RSPH3: variants seen among roughly 807,000 people sequenced by gnomAD.
The protein encoded by RSPH3 is radial spoke head 3.
A neutral mutation model predicts 43.8 loss-of-function variants in RSPH3; 21 were observed. That is an observed-to-expected ratio of 0.48 (90% CI 0.34 to 0.69). The LOEUF is 0.69. RSPH3 is among the 30% of genes least tolerant of loss of function. The pLI is 0.01. For synonymous variants in RSPH3, 173 were observed against 179.8 expected, an observed-to-expected ratio of 0.96 and a Z score of 0.30; for missense variants, 487 against 516.0, an observed-to-expected ratio of 0.94 and a Z score of 0.54.
chr6:158,993,274 C>A (rs945248995), intron 2 of RSPH3, among the ~76,000 whole-genome samples: 1 of 152,034 alleles, frequency 6.6e-6, no homozygotes, highest in Non-Finnish European at 1.5e-5. Flanking sequence ...AGCGCCACCA[C>A]ACCCAGCTAA....
At position 158,977,329 on chromosome 6, in the gene RSPH3, C is replaced by G; in HGVS notation, c.*209G>C. 1.9e-6 allele frequency: 1 copy of G among 517,482 alleles called. No individual in the cohort carries two copies. Among genetic ancestry groups the G allele is most frequent in the Non-Finnish European group, 3.4e-6 (1 of 296,966 alleles). The allele number at this position is 517,482 out of a possible 1,614,324, so 32.1% of individuals were successfully genotyped here. ...AATTCTCATTAGAATTACAATATAG[C>G]CTTTGAATATTCTATTAAATAAATG... On this transcript the variant is annotated 3_prime_UTR_variant, in exon 8 of 8. Coordinates refer to ENST00000367069, the MANE Select transcript of RSPH3 (RefSeq NM_031924.8).
At chr6:158,986,481 C>G (rs1259745466) in intron 2 of RSPH3, 60 bp from the exon 3 acceptor site, 1 of 1,430,286 alleles carries the variant, frequency 7.0e-7, no homozygotes, top group African/African-American at 1.4e-5. Context: ...CATACAGGAA[C>G]TGCCATTCCA....
At chr6:158,969,871 C>T (rs1777674917), downstream of RSPH3, among the ~76,000 whole-genome samples, 1 of 152,176 alleles carries the variant, frequency 6.6e-6, no homozygotes, top group South Asian at 2.1e-4. Flanking sequence ...TGTTTTTTCT[C>T]TCTTAACTGA....
chr6:158,999,315 G>T, intron 1 of RSPH3, 120 bp downstream of exon 1: 1 of 882,674 alleles, frequency 1.1e-6, no homozygotes, highest in Non-Finnish European at 1.6e-6. Context: ...TTTTATTTCG[G>T]CAGAGTGCAG....
chr6:158,999,260 C>T (rs1396406259), intron 1 of RSPH3, among the ~76,000 whole-genome samples, 175 bp downstream of exon 1: 8 of 146,894 alleles, frequency 5.4e-5, no homozygotes, highest in Non-Finnish European at 3.1e-5. Flanking sequence ...CATGCCCCTT[C>T]CTGCTTCACT....
intron 6 of RSPH3, among the ~76,000 whole-genome samples, chr6:158,979,860 A>G (rs908448842): frequency 5.3e-5 from 8 of 152,170 alleles, no homozygotes; most frequent in Non-Finnish European, 1.2e-4. Context: ...CTGGCTGAGC[A>G]GCTAGGAACG....
intron 2 of RSPH3, among the ~76,000 whole-genome samples, chr6:158,987,446 G>A (rs912669789): frequency 2.0e-5 from 3 of 152,110 alleles, no homozygotes; most frequent in Non-Finnish European, 2.9e-5. Flanking sequence ...TTGGAGAACC[G>A]AGTCCTCTTA....
chr6:158,995,346 G>A (rs1166666935), intron 1 of RSPH3, among the ~76,000 whole-genome samples: 7 of 152,088 alleles, frequency 4.6e-5, no homozygotes, highest in Admixed American at 3.9e-4. Flanking sequence ...CTACATAGTT[G>A]GCTTAAAATA....
rs571444929 is a variant in RSPH3, at chr6:159,000,183, T to TA, written c.-634dup. 3 of 551,986 alleles carry TA rather than the reference T, an allele frequency of 5.4e-6. No homozygotes were observed. Among genetic ancestry groups the TA allele is most frequent in the Non-Finnish European group, 9.3e-6 (3 of 322,364 alleles). 34.2% of individuals were successfully genotyped at this position (551,986 alleles called of 1,614,324 possible). On this transcript the variant is annotated 5_prime_UTR_variant, in exon 1 of 8. Coordinates refer to ENST00000367069, the MANE Select transcript of RSPH3 (RefSeq NM_031924.8). ...CTGGCAGCCAGGCTCCCAGCTCTGT[T>TA]ACGTGCCCGGGCGGGGAAGAGCTTC...
Position 158,977,713 on chromosome 6 carries a change from A to C in RSPH3, c.1082T>G (p.Leu361Arg), listed in dbSNP as rs138781661. 4.2e-5 allele frequency: 68 copies of C among 1,614,160 alleles called. No homozygotes were observed. In the African/African-American group the frequency reaches 8.0e-4, roughly 19 times the overall value. The change falls in exon 8 of 8, where the codon CTG becomes CGG. Residue 361 changes from leucine to arginine, a missense_variant. Leu to Arg is a moderately radical substitution (Grantham distance 102). Coordinates refer to ENST00000367069, the MANE Select transcript of RSPH3 (RefSeq NM_031924.8). ...CCGTGTCTGTGACATGCTCTGCTCC[A>C]GGAATTCAGAGGCCTCCAGTGACTC... ...MTESLEASEFLEQSMSQTREL... is the reference protein window; with the variant it reads ...MTESLEASEFREQSMSQTREL...
intron 1 of RSPH3, 43 bp downstream of exon 1, chr6:158,999,392 G>T: frequency 6.9e-7 from 1 of 1,455,336 alleles, no homozygotes; most frequent in Middle Eastern, 2.6e-4. Context: ...CCTGGGGATG[G>T]GGTGCAAGTA....
At chr6:158,966,261 C>T in the RSPH3 span, among the ~76,000 whole-genome samples, 1 of 152,028 alleles carries the variant, frequency 6.6e-6, no homozygotes, top group African/African-American at 2.4e-5. Flanking sequence ...AGGATTTTTG[C>T]ATTTATATAT....
chr6:158,992,281 TTTTG>T (rs998430337), intron 2 of RSPH3, among the ~76,000 whole-genome samples: 10 of 152,014 alleles, frequency 6.6e-5, no homozygotes, highest in African/African-American at 2.4e-4. Context: ...TAGGTTGTAT[TTTTG>T]TTTTTGTTTT....
chr6:158,978,342 A>G lies in RSPH3; in HGVS notation c.864T>C (p.Ile288=), dbSNP rs749621445. Residue 288 remains isoleucine (I), a synonymous_variant, in exon 7 of 8, where the codon ATT becomes ATC. Coordinates refer to ENST00000367069, the MANE Select transcript of RSPH3 (RefSeq NM_031924.8). ...GYFYDPIERD[I]EIGFLPWLMN... ...TTAGCCATGGAAGAAATCCTATCTC[A>G]ATATCTGTAATAAAAGAATTCATTG... The G allele has an allele frequency of 1.4e-6, 2 of 1,391,042 alleles. No homozygotes were observed. Among genetic ancestry groups the G allele is most frequent in the Admixed American group, 3.5e-5 (2 of 57,696 alleles). 86.2% of individuals were successfully genotyped at this position (1,391,042 alleles called of 1,614,324 possible). A position where few individuals can be genotyped will look rare whatever the true frequency, so the allele number is the denominator to read the frequency against.
rs1014876603 is a variant in RSPH3, at chr6:158,989,077, C to T, written c.205-2656G>A. The stretch of plus-strand genomic sequence containing the variant: ...TTTTATCTTTTTTGAGACAGAGTCT[C>T]GCTCTGTCACCCTGGCTGGAGTGCA... On this transcript the variant is annotated intron_variant, in intron 2 of 7. Transcript: ENST00000367069. This position sits in a 1 kb window ranked among gnomAD's most constrained non-coding sequence, Gnocchi z 4.3. Among the ~76,000 whole-genome samples, 8 of 150,498 alleles carry T rather than the reference C, an allele frequency of 5.3e-5. No individual in the cohort carries two copies. Among genetic ancestry groups the T allele is most frequent in the Non-Finnish European group, 8.8e-5 (6 of 67,886 alleles).
chr6:158,992,792 A>G (rs1778460288), intron 2 of RSPH3, among the ~76,000 whole-genome samples: 2 of 152,194 alleles, frequency 1.3e-5, no homozygotes, highest in Admixed American at 1.3e-4. Flanking sequence ...TTTCTGTGCC[A>G]AGAACTCACC....
In RSPH3 at chr6:158,973,909, T is replaced by A. The variant is rs1435571446; in HGVS notation, c.*3629A>T. Reference sequence around the variant, plus strand: ...AGCGGCGCGACCTCCTGGGTTCAAGTGATTCTTATGCCTCAGTCTCCCGAG... The same window carrying A: ...AGCGGCGCGACCTCCTGGGTTCAAGAGATTCTTATGCCTCAGTCTCCCGAG... On this transcript the variant is annotated 3_prime_UTR_variant, in exon 8 of 8. Transcript: ENST00000367069. The A allele has an allele frequency of 6.6e-6, 1 of 151,746 alleles. No homozygotes were observed. Among genetic ancestry groups the A allele is most frequent in the African/African-American group, 2.4e-5 (1 of 41,284 alleles). 9.4% of individuals were successfully genotyped at this position (151,746 alleles called of 1,614,324 possible). A position where few individuals can be genotyped will look rare whatever the true frequency, so the allele number is the denominator to read the frequency against.
chr6:158,986,304 T>C lies in RSPH3; in HGVS notation c.322A>G (p.Arg108Gly). Reference protein sequence around the residue: ...RPQTPEPVEGRKHVDVQTELY... With the variant: ...RPQTPEPVEGGKHVDVQTELY... ...CCTGTTTGCACATCGACATGCTTTC[T>C]GCCTTCCACAGGTTCAGGTGTTTGT... The change falls in exon 3 of 8, where the codon AGA (arginine) becomes GGA (glycine). Residue 108 changes from arginine to glycine, a missense_variant. Arg to Gly is a moderately radical substitution (Grantham distance 125). Coordinates refer to ENST00000367069, the MANE Select transcript of RSPH3 (RefSeq NM_031924.8). 3 of 1,614,144 alleles carry C rather than the reference T, an allele frequency of 1.9e-6. No homozygotes were observed. Among genetic ancestry groups the C allele is most frequent in the Non-Finnish European group, 2.5e-6 (3 of 1,180,018 alleles).
chr6:158,983,950 A>T (rs1778124133), intron 3 of RSPH3, 143 bp from the exon 4 acceptor site: 1 of 617,966 alleles, frequency 1.6e-6, no homozygotes, highest in African/African-American at 1.9e-5. Flanking sequence ...CCTGGCCAAC[A>T]TGGCGAAACC....
Sources: gnomAD v4.1 joint callset for allele counts (sites outside exome capture counted in the v4.1 genomes callset) on GRCh38, gnomAD v4.1.1 for gene constraint, Gnocchi (gnomAD v3.1) non-coding constraint, MANE v1.5 for transcripts, NCBI Gene and HGNC (gene_info 2026-07-23, HGNC 2026-07-21) for gene names.